Variants in NCKAP5 observed in about 807,000 individuals in gnomAD.
NCKAP5 encodes NCK associated protein 5.
Under a neutral mutation model 167.0 loss-of-function variants are expected in NCKAP5, and 92 were observed. That is an observed-to-expected ratio of 0.55 (90% confidence interval 0.47 to 0.66). The LOEUF (loss-of-function observed/expected upper bound fraction) is 0.66, where lower values mean the gene tolerates loss of function less well. Ranked by LOEUF, NCKAP5 falls within the 30% of genes least tolerant of loss-of-function variation. NCKAP5 has a pLI of 0.00. For missense variants in NCKAP5, 2,378 were observed against 2,315.0 expected, an observed-to-expected ratio of 1.03 and a Z score of -0.56; for synonymous variants, 891 against 877.4, an observed-to-expected ratio of 1.02 and a Z score of -0.27.
intron 12 of NCKAP5, among the ~76,000 whole-genome samples, chr2:132,795,187 G>A (rs538269880): frequency 1.3e-5 from 2 of 152,098 alleles, no homozygotes; most frequent in Admixed American, 6.5e-5. Flanking sequence ...TCTGATGCCC[G>A]GCCCAAGTCC....
chr2:133,664,568 C>T, the NCKAP5 span, among the ~76,000 whole-genome samples: 19 of 152,168 alleles, frequency 1.2e-4, no homozygotes, highest in African/African-American at 3.4e-4. Context: ...GGTGCAATCT[C>T]GGCTCACTGC....
chr2:132,920,600 C>G (rs966419126), intron 8 of NCKAP5, among the ~76,000 whole-genome samples: 3 of 144,852 alleles, frequency 2.1e-5, no homozygotes, highest in African/African-American at 7.8e-5. Flanking sequence ...AGCATGAGGC[C>G]TGGTTCAAGG....
At chr2:132,999,562 G>A (rs1367712617) in intron 6 of NCKAP5, among the ~76,000 whole-genome samples, 1 of 152,140 alleles carries the variant, frequency 6.6e-6, no homozygotes. Context: ...ACTCTTTCAT[G>A]GTAAGACAAC....
intron 8 of NCKAP5, among the ~76,000 whole-genome samples, chr2:132,942,703 C>T (rs1207449149): frequency 2.0e-5 from 3 of 152,144 alleles, no homozygotes; most frequent in Non-Finnish European, 4.4e-5. Flanking sequence ...ATCCAATCAA[C>T]CTTAATTTCC....
At chr2:133,086,142 A>G (rs2149611567) in intron 6 of NCKAP5, among the ~76,000 whole-genome samples, 1 of 152,252 alleles carries the variant, frequency 6.6e-6, no homozygotes, top group South Asian at 2.1e-4. Context: ...AGGTCTATTG[A>G]AGTCCTCTTC....
At chr2:132,884,151 C>T (rs1404320212) in intron 8 of NCKAP5, among the ~76,000 whole-genome samples, 1 of 152,174 alleles carries the variant, frequency 6.6e-6, no homozygotes, top group Non-Finnish European at 1.5e-5. Context: ...CCTGTGAACA[C>T]CCCAGTCCCT....
intron 6 of NCKAP5, among the ~76,000 whole-genome samples, chr2:133,078,606 A>T (rs945061577): frequency 4.6e-5 from 7 of 152,122 alleles, no homozygotes; most frequent in African/African-American, 1.4e-4. Flanking sequence ...TAGACAGAAA[A>T]GTTGTCAACC....
At chr2:133,610,162 T>C in the NCKAP5 span, among the ~76,000 whole-genome samples, 1 of 152,152 alleles carries the variant, frequency 6.6e-6, no homozygotes, top group Non-Finnish European at 1.5e-5. Flanking sequence ...ATCTTTTTCC[T>C]CCTTAATACC....
intron 5 of NCKAP5, among the ~76,000 whole-genome samples, chr2:133,191,075 G>GA (rs990878277): frequency 4.6e-5 from 7 of 151,740 alleles, no homozygotes; most frequent in South Asian, 4.2e-4. Flanking sequence ...AAATTTACAA[G>GA]AAAAAAAATC....
intron 6 of NCKAP5, among the ~76,000 whole-genome samples, chr2:133,050,590 G>A (rs114480969): frequency 0.011 from 1,641 of 152,244 alleles, 26 homozygotes; most frequent in African/African-American, 0.038. Flanking sequence ...CCTTTGCTCA[G>A]TTCAGCCTGG....
intron 6 of NCKAP5, among the ~76,000 whole-genome samples, chr2:133,093,057 T>C (rs2081239664): frequency 6.6e-6 from 1 of 152,190 alleles, no homozygotes; most frequent in Admixed American, 6.5e-5. Flanking sequence ...GAAATAATAA[T>C]AATCCCTTCC....
chr2:133,208,658 A>G (rs1410854983), intron 5 of NCKAP5, among the ~76,000 whole-genome samples: 1 of 152,216 alleles, frequency 6.6e-6, no homozygotes, highest in East Asian at 1.9e-4. Flanking sequence ...AAATCTGGAT[A>G]AAGCATGGAC....
intron 6 of NCKAP5, among the ~76,000 whole-genome samples, chr2:133,088,403 C>T (rs1342925158): frequency 6.6e-6 from 1 of 152,094 alleles, no homozygotes; most frequent in Non-Finnish European, 1.5e-5. Flanking sequence ...TGCACCAAAC[C>T]TCTCACCCCT....
chr2:133,354,742 A>G (rs1271053224), intron 3 of NCKAP5, among the ~76,000 whole-genome samples: 1 of 152,198 alleles, frequency 6.6e-6, no homozygotes, highest in African/African-American at 2.4e-5. Context: ...ATAACTTCTA[A>G]TACATTAAGA....
Position 133,289,702 on chromosome 2 carries a change from A to AAAAC in NCKAP5, c.143+13331_143+13334dup, listed in dbSNP as rs570223427. Among the ~76,000 whole-genome samples, 154 of 147,184 alleles carry AAAAC rather than the reference A, an allele frequency of 1.0e-3. 1 individual carries two copies. Among genetic ancestry groups the AAAAC allele is most frequent in the African/African-American group, 3.4e-3 (138 of 40,168 alleles). On this transcript the variant is annotated intron_variant, in intron 4 of 19. Coordinates refer to ENST00000409261, the MANE Select transcript of NCKAP5 (RefSeq NM_207363.3). Reference sequence around the variant, plus strand: ...CAAGAGTCCGTCTCCAAAAAAAATAAAAACAAACAAACAAACAAACAAACA... The same window carrying AAAAC: ...CAAGAGTCCGTCTCCAAAAAAAATAAAAACAAACAAACAAACAAACAAACAAACA...
intron 5 of NCKAP5, among the ~76,000 whole-genome samples, chr2:133,137,089 G>A (rs1386268893): frequency 1.3e-5 from 2 of 152,154 alleles, no homozygotes; most frequent in African/African-American, 4.8e-5. Context: ...TCTAAATTAA[G>A]CTATAGTTAT....
intron 7 of NCKAP5, among the ~76,000 whole-genome samples, chr2:132,977,069 G>C (rs1415585888): frequency 6.6e-6 from 1 of 152,190 alleles, no homozygotes; most frequent in Non-Finnish European, 1.5e-5. Flanking sequence ...TCCAAGTTCA[G>C]TAAGTAGATA....
intron 5 of NCKAP5, among the ~76,000 whole-genome samples, chr2:133,195,662 C>G (rs894696580): frequency 1.3e-5 from 2 of 152,064 alleles, no homozygotes; most frequent in Admixed American, 6.6e-5. Flanking sequence ...TTTGGAATAT[C>G]ATGAAAATCA....
At chr2:133,345,648 C>T (rs1475482049) in intron 3 of NCKAP5, among the ~76,000 whole-genome samples, 3 of 152,140 alleles carry the variant, frequency 2.0e-5, no homozygotes, top group African/African-American at 7.2e-5. Flanking sequence ...GTGATGGAAC[C>T]AAAGAGCTGA....
Sources: allele counts gnomAD v4.1 joint callset (sites outside exome capture counted in the v4.1 genomes callset), GRCh38; gene constraint gnomAD v4.1.1; transcripts MANE v1.5; gene names NCBI Gene and HGNC (gene_info 2026-07-23, HGNC 2026-07-21).